LRP1B: variants seen among roughly 807,000 people sequenced by gnomAD.
The protein encoded by LRP1B is low-density lipoprotein receptor-related protein 1B.
LRP1B carries 217 observed loss-of-function variants against 556.6 expected under a neutral mutation model. That is an observed-to-expected ratio of 0.39 (90% CI 0.35 to 0.44). The LOEUF (loss-of-function observed/expected upper bound fraction) is 0.44, where lower values mean the gene tolerates loss of function less well. LRP1B is among the 20% of genes least tolerant of loss of function. The probability of loss-of-function intolerance (pLI) is 1.00; values close to 1 mark genes in which losing one functional copy is unlikely to be tolerated. For missense variants in LRP1B, 5,053 were observed against 5,620.8 expected (o/e 0.90, Z 3.23); for synonymous variants, 2,047 against 1,865.8 (o/e 1.10, Z -2.50).
intron 3 of LRP1B, among the ~76,000 whole-genome samples, chr2:141,455,163 T>C (rs1681583122): frequency 6.6e-6 from 1 of 151,730 alleles, no homozygotes; most frequent in Admixed American, 6.6e-5. Flanking sequence ...GTAGGCCTGG[T>C]CAAAAACCTT....
intron 2 of LRP1B, among the ~76,000 whole-genome samples, chr2:141,794,217 C>T (rs960984907): frequency 1.3e-5 from 2 of 151,972 alleles, no homozygotes; most frequent in East Asian, 3.9e-4. Flanking sequence ...TATGAGAGGA[C>T]ATGGCTAATG....
rs567435973 is a variant in LRP1B, at chr2:140,662,861, A to C, written c.6799+37389T>G. On this transcript the variant is annotated intron_variant, in intron 41 of 90. Coordinates refer to ENST00000389484, the MANE Select transcript of LRP1B (RefSeq NM_018557.3). ...ATATAAAGAGGAAATTGCCAATGGT[A>C]ATCATTTTAGTGAGGCGCCTGCAAA... Among the ~76,000 whole-genome samples the C allele has an allele frequency of 8.5e-5, 13 of 152,264 alleles. 1 individual carries two copies. In the South Asian group the frequency reaches 2.5e-3, roughly 29 times the overall value.
chr2:141,010,848 G>A (rs932130556), intron 14 of LRP1B, among the ~76,000 whole-genome samples: 2 of 151,542 alleles, frequency 1.3e-5, no homozygotes, highest in Admixed American at 6.6e-5. Flanking sequence ...GAGGAGTAAG[G>A]GGAGATCTGA....
intron 2 of LRP1B, among the ~76,000 whole-genome samples, chr2:141,705,210 T>C (rs181215198): frequency 2.6e-5 from 4 of 152,146 alleles, no homozygotes; most frequent in African/African-American, 7.2e-5. Context: ...TAACTGCCTA[T>C]CTATGATCAG....
chr2:141,173,070 C>T (rs886660146), intron 7 of LRP1B, among the ~76,000 whole-genome samples: 12 of 150,828 alleles, frequency 8.0e-5, no homozygotes, highest in Admixed American at 1.3e-4. Context: ...AAAAAAAAAC[C>T]CACACACTTT....
intron 7 of LRP1B, among the ~76,000 whole-genome samples, chr2:141,071,766 A>G (rs1226665248): frequency 1.3e-5 from 2 of 152,182 alleles, no homozygotes; most frequent in Non-Finnish European, 2.9e-5. Context: ...TGCTTCAAAG[A>G]GAATAAAATA....
intron 7 of LRP1B, among the ~76,000 whole-genome samples, chr2:141,141,281 T>C (rs1701645147): frequency 6.6e-6 from 1 of 152,270 alleles, no homozygotes; most frequent in African/African-American, 2.4e-5. Flanking sequence ...TAGAGAAGAC[T>C]GAAAGATTAC....
chr2:141,484,923 T>A (rs1353867955), intron 2 of LRP1B, among the ~76,000 whole-genome samples: 1 of 152,238 alleles, frequency 6.6e-6, no homozygotes, highest in Middle Eastern at 3.4e-3. Context: ...AAGTGATTCA[T>A]GTGTTGGCTC....
chr2:140,579,814 C>T (rs1050091569), intron 43 of LRP1B, among the ~76,000 whole-genome samples: 1 of 152,086 alleles, frequency 6.6e-6, no homozygotes, highest in African/African-American at 2.4e-5. Flanking sequence ...TGCACTCCAG[C>T]CTGGGCTACA....
chr2:141,721,923 G>A (rs1438539763), intron 2 of LRP1B, among the ~76,000 whole-genome samples: 1 of 152,144 alleles, frequency 6.6e-6, no homozygotes, highest in Non-Finnish European at 1.5e-5. Context: ...ACCAGAAACA[G>A]ACCCTAGTAG....
intron 2 of LRP1B, among the ~76,000 whole-genome samples, chr2:141,698,865 TGAA>T (rs1288356307): frequency 7.9e-5 from 12 of 151,906 alleles, no homozygotes; most frequent in African/African-American, 2.7e-4. Context: ...GAAATTATTA[TGAA>T]GGTCTGTGGC....
intron 1 of LRP1B, among the ~76,000 whole-genome samples, chr2:141,949,533 G>T (rs567138376): frequency 7.9e-5 from 12 of 152,204 alleles, no homozygotes; most frequent in African/African-American, 2.9e-4. Flanking sequence ...AGGATTACAG[G>T]TGCTCACCAC....
At chr2:141,110,439 A>C (rs369792075) in intron 7 of LRP1B, among the ~76,000 whole-genome samples, 1 of 152,138 alleles carries the variant, frequency 6.6e-6, no homozygotes, top group East Asian at 1.9e-4. Context: ...TTAACAAGAG[A>C]AGGAAAAGTT....
chr2:140,316,326 A>C (rs542808439), intron 82 of LRP1B, among the ~76,000 whole-genome samples: 3 of 152,184 alleles, frequency 2.0e-5, no homozygotes, highest in Non-Finnish European at 4.4e-5. Flanking sequence ...ACATGACAGA[A>C]GCTTGAATAT....
chr2:141,884,406 C>G (rs986491617), intron 1 of LRP1B, among the ~76,000 whole-genome samples: 2 of 151,934 alleles, frequency 1.3e-5, no homozygotes, highest in African/African-American at 2.4e-5. Context: ...ACAATGATAT[C>G]AAGGTAATTT....
chr2:141,284,500 A>G (rs1011681121), intron 3 of LRP1B, among the ~76,000 whole-genome samples: 3 of 152,228 alleles, frequency 2.0e-5, no homozygotes, highest in African/African-American at 7.2e-5. Flanking sequence ...AGGAATGGAA[A>G]AAGAAAGATA....
chr2:141,244,944 A>G lies in LRP1B; in HGVS notation c.592+2282T>C, dbSNP rs929380847. Among the ~76,000 whole-genome samples, 7 of 152,250 alleles carry G rather than the reference A, an allele frequency of 4.6e-5. No individual in the cohort carries two copies. In the South Asian group the frequency reaches 1.0e-3, roughly 23 times the overall value. ...ATTTATGTATTCCATTATCAATTCT[A>G]GAGTCATCAAACTTCCTTGATGTAG... On this transcript the variant is annotated intron_variant, in intron 5 of 90. Transcript: ENST00000389484.
At chr2:140,954,314 C>T (rs1301376106) in intron 18 of LRP1B, among the ~76,000 whole-genome samples, 1 of 152,104 alleles carries the variant, frequency 6.6e-6, no homozygotes, top group Non-Finnish European at 1.5e-5. Context: ...AACAGAGAAT[C>T]AACTCAAGTT....
chr2:140,829,117 C>G (rs1386255075), intron 31 of LRP1B, among the ~76,000 whole-genome samples: 1 of 151,850 alleles, frequency 6.6e-6, no homozygotes, highest in Non-Finnish European at 1.5e-5. Context: ...CACCAAGGCA[C>G]CGAAATATAT....
Sources: gnomAD v4.1 joint callset for allele counts (sites outside exome capture counted in the v4.1 genomes callset) on GRCh38, gnomAD v4.1.1 for gene constraint, MANE v1.5 for transcripts, NCBI Gene and HGNC (gene_info 2026-07-23, HGNC 2026-07-21) for gene names.